Variants in DGKB observed in about 807,000 individuals in gnomAD.
The protein encoded by DGKB is diacylglycerol kinase beta, also known as 90 kDa diacylglycerol kinase.
Under a neutral mutation model 114.3 loss-of-function variants are expected in DGKB, and 67 were observed. The ratio of observed to expected loss-of-function variants is 0.59; its 90% CI spans 0.48 to 0.72. The LOEUF is 0.72. Ranked by LOEUF, DGKB falls within the 30% of genes least tolerant of loss-of-function variation. The probability of loss-of-function intolerance (pLI) is 0.00; values close to 1 mark genes in which losing one functional copy is unlikely to be tolerated. For missense variants in DGKB, 907 were observed against 975.2 expected (o/e 0.93, Z 0.93); for synonymous variants, 398 against 323.1 (o/e 1.23, Z -2.49).
intron 23 of DGKB, among the ~76,000 whole-genome samples, chr7:14,246,075 T>C (rs554922340): frequency 2.6e-5 from 4 of 152,322 alleles, no homozygotes; most frequent in Non-Finnish European, 5.9e-5. Flanking sequence ...GCTTTCTATA[T>C]GGAAAGGAGC....
intron 17 of DGKB, among the ~76,000 whole-genome samples, chr7:14,587,390 G>A (rs559690490): frequency 1.1e-4 from 17 of 151,940 alleles, no homozygotes; most frequent in Middle Eastern, 3.4e-3. Context: ...TTAGAGATAA[G>A]CAAAAAAAGA....
chr7:14,823,973 C>T (rs903945847), intron 2 of DGKB, among the ~76,000 whole-genome samples: 1 of 152,174 alleles, frequency 6.6e-6, no homozygotes, highest in Non-Finnish European at 1.5e-5. Flanking sequence ...CATAGTTCCA[C>T]ATGGCTGGGG....
At chr7:14,383,301 C>G (rs555812477) in intron 21 of DGKB, among the ~76,000 whole-genome samples, 1 of 152,192 alleles carries the variant, frequency 6.6e-6, no homozygotes, top group Admixed American at 6.5e-5. Flanking sequence ...AAAGCAATAC[C>G]TAAGAAAGTC....
chr7:14,497,187 C>T lies in DGKB; in HGVS notation c.1771-18962G>A, dbSNP rs140822206. On this transcript the variant is annotated intron_variant, in intron 20 of 25. Transcript: ENST00000402815. ...ATATTGGACATTGGAGACTCAGAAG[C>T]GGGGAGAAAGAAAGGGGGAAAAGGA... Among the ~76,000 whole-genome samples the T allele has an allele frequency of 8.0e-3, 1,203 of 150,998 alleles. 18 individuals carry two copies. The highest frequency in any genetic ancestry group is 0.028 in the African/African-American group (1,142 of 41,144).
At chr7:14,431,943 T>G (rs752154580) in intron 21 of DGKB, among the ~76,000 whole-genome samples, 5 of 151,800 alleles carry the variant, frequency 3.3e-5, no homozygotes, top group African/African-American at 7.2e-5. Context: ...ATGTTATTTA[T>G]AAATGTACAT....
intron 1 of DGKB, among the ~76,000 whole-genome samples, chr7:14,849,884 CTA>C (rs1422857432): frequency 1.3e-5 from 2 of 152,084 alleles, no homozygotes; most frequent in Non-Finnish European, 2.9e-5. Context: ...AAAATAGACA[CTA>C]TCCATCACAT....
At chr7:14,258,427 T>C (rs1316629887) in intron 23 of DGKB, among the ~76,000 whole-genome samples, 1 of 152,196 alleles carries the variant, frequency 6.6e-6, no homozygotes, top group Non-Finnish European at 1.5e-5. Context: ...AGGAGAATAA[T>C]TAAAGACATG....
intron 13 of DGKB, among the ~76,000 whole-genome samples, chr7:14,646,414 T>C (rs1255727133): frequency 6.6e-6 from 1 of 152,134 alleles, no homozygotes; most frequent in African/African-American, 2.4e-5. Context: ...ATGCCCCACA[T>C]TGAGTATTAG....
At chr7:14,858,084 G>T (rs919143148) in intron 1 of DGKB, among the ~76,000 whole-genome samples, 5 of 152,060 alleles carry the variant, frequency 3.3e-5, no homozygotes, top group African/African-American at 7.2e-5. Context: ...AATGCAAATG[G>T]ATATTCATGA....
At chr7:14,772,419 A>G (rs945621210) in intron 2 of DGKB, among the ~76,000 whole-genome samples, 2 of 152,172 alleles carry the variant, frequency 1.3e-5, no homozygotes, top group African/African-American at 4.8e-5. Flanking sequence ...GAACTACACA[A>G]AACAGATATG....
intron 23 of DGKB, among the ~76,000 whole-genome samples, chr7:14,186,337 G>T (rs1783427546): frequency 6.6e-6 from 1 of 152,168 alleles, no homozygotes; most frequent in African/African-American, 2.4e-5. Flanking sequence ...CTGCAAGAAT[G>T]ACCATAATCA....
chr7:14,613,237 T>C (rs1805890550), intron 16 of DGKB, 103 bp downstream of exon 16: 2 of 649,220 alleles, frequency 3.1e-6, no homozygotes, highest in Non-Finnish European at 5.3e-6. Flanking sequence ...TGCATTAAAA[T>C]TAGCAGAGAG....
At chr7:14,153,626 C>T (rs1242742111) in intron 25 of DGKB, among the ~76,000 whole-genome samples, 1 of 151,978 alleles carries the variant, frequency 6.6e-6, no homozygotes, top group Admixed American at 6.6e-5. Flanking sequence ...CTAGTTATTG[C>T]CCTAGAGAGC....
At chr7:14,545,978 T>C (rs1794221565) in intron 20 of DGKB, among the ~76,000 whole-genome samples, 1 of 152,174 alleles carries the variant, frequency 6.6e-6, no homozygotes, top group South Asian at 2.1e-4. Context: ...ACGAGAGTAT[T>C]GGCTGTCGTG....
chr7:14,276,644 G>T (rs1799044225), intron 23 of DGKB, among the ~76,000 whole-genome samples: 1 of 150,676 alleles, frequency 6.6e-6, no homozygotes, highest in South Asian at 2.1e-4. Flanking sequence ...ACTATGAATG[G>T]TTTCTAATTT....
chr7:14,150,247 C>T (rs1781993554), intron 25 of DGKB, among the ~76,000 whole-genome samples: 1 of 152,078 alleles, frequency 6.6e-6, no homozygotes, highest in East Asian at 1.9e-4. Flanking sequence ...GTCACCTGCA[C>T]AGCATTCGCA....
intron 1 of DGKB, among the ~76,000 whole-genome samples, chr7:14,857,258 T>TTGTTTGTGTGTGTGTGTGTGTGTG (rs1850299448): frequency 1.4e-5 from 2 of 138,262 alleles, no homozygotes; most frequent in East Asian, 4.9e-4. Flanking sequence ...CTGTGTGTGT[T>TTGTTTGTGTGTGTGTGTGTGTGTG]TGTGTGTGTG....
At chr7:14,672,503 A>G (rs1336569587) in intron 13 of DGKB, among the ~76,000 whole-genome samples, 1 of 151,918 alleles carries the variant, frequency 6.6e-6, no homozygotes, top group Non-Finnish European at 1.5e-5. Flanking sequence ...TTCTTCATGG[A>G]TGTGTCATCA....
intron 4 of DGKB, among the ~76,000 whole-genome samples, chr7:14,747,073 C>G (rs1340421961): frequency 6.6e-6 from 1 of 152,030 alleles, no homozygotes; most frequent in Non-Finnish European, 1.5e-5. Context: ...TGAAGTGTTA[C>G]TGACAATGTA....
Sources: allele counts gnomAD v4.1 joint callset (sites outside exome capture counted in the v4.1 genomes callset), GRCh38; gene constraint gnomAD v4.1.1; transcripts MANE v1.5; gene names NCBI Gene and HGNC (gene_info 2026-07-23, HGNC 2026-07-21).